The following APBA1 variants were observed in gnomAD, a reference collection of about 807,000 sequenced individuals.
The protein encoded by APBA1 is amyloid beta precursor protein binding family A member 1, also known as amyloid-beta A4 precursor protein-binding family A member 1.
In APBA1, 55 loss-of-function variants were observed where a neutral mutation model predicts 86.6. That is an observed-to-expected ratio of 0.64 (90% CI 0.51 to 0.80). The LOEUF is 0.80. APBA1 is among the 30% of genes least tolerant of loss of function. The pLI, the probability that APBA1 is intolerant of heterozygous loss-of-function variation, is 0.00. For missense variants in APBA1, 1,090 were observed against 1,183.0 expected (o/e 0.92, Z 1.15); for synonymous variants, 511 against 493.9 (o/e 1.03, Z -0.46).
At chr9:69,477,145 A>G (rs10124725) in intron 2 of APBA1, among the ~76,000 whole-genome samples, 3 of 152,260 alleles carry the variant, frequency 2.0e-5, no homozygotes, top group Admixed American at 6.5e-5. Flanking sequence ...GAACAGCTCC[A>G]GTCTACAGCT....
chr9:69,526,037 C>T (rs949220044), intron 1 of APBA1, among the ~76,000 whole-genome samples: 4 of 151,996 alleles, frequency 2.6e-5, no homozygotes, highest in Admixed American at 6.6e-5. Flanking sequence ...GAAACCAGAC[C>T]CCTATTTTCC....
rs1834511094 is a variant in APBA1 at position 69,427,720 on chromosome 9, G to A, written c.*3607C>T. On this transcript the variant is annotated 3_prime_UTR_variant, in exon 13 of 13. Coordinates refer to ENST00000265381, the MANE Select transcript of APBA1 (RefSeq NM_001163.4). ...ACTGTCAAGGAAGTACATTCAGTGG[G>A]TGTGCGGTGTCCACATTCCAGGCTC... The A allele has an allele frequency of 6.6e-6, 1 of 152,152 alleles. No homozygotes were observed. Among genetic ancestry groups the A allele is most frequent in the Non-Finnish European group, 1.5e-5 (1 of 68,028 alleles). The allele number at this position is 152,152 out of a possible 1,614,324, so 9.4% of individuals were successfully genotyped here.
Position 69,517,171 on chromosome 9 carries a change from C to G in APBA1, c.40G>C (p.Asp14His). ...TTCACCTCCCCACCTGCCGCCTCGTCGGTCACCTCCACCTCCGCAGACCCC... is the reference window on the plus strand; with the variant it reads ...TTCACCTCCCCACCTGCCGCCTCGTGGGTCACCTCCACCTCCGCAGACCCC... ...LEGSAEVEVT[D>H]EAAGGEVNES... The change falls in exon 2 of 13, where the codon GAC becomes CAC. Residue 14 changes from aspartate to histidine, a missense_variant. Asp to His is a moderately conservative substitution (Grantham distance 81). Around this residue, in one of 6 missense-constraint regions of APBA1, gnomAD observed 678 missense variants for 647.1 expected, o/e 1.05. Transcript: ENST00000265381. 6.4e-7 allele frequency: 1 copy of G among 1,553,544 alleles called. No individual in the cohort carries two copies. Among genetic ancestry groups the G allele is most frequent in the Non-Finnish European group, 8.7e-7 (1 of 1,150,442 alleles).
chr9:69,457,938 C>T (rs1034474275), intron 6 of APBA1, among the ~76,000 whole-genome samples: 1 of 152,182 alleles, frequency 6.6e-6, no homozygotes, highest in South Asian at 2.1e-4. Context: ...TGCTCCCTGT[C>T]GTTCCTCTGA....
At chr9:69,577,896 C>T (rs1821834082) in intron 1 of APBA1, among the ~76,000 whole-genome samples, 3 of 152,096 alleles carry the variant, frequency 2.0e-5, no homozygotes, top group South Asian at 4.2e-4. Context: ...GACTTCACCA[C>T]CACAATGCTC....
chr9:69,445,237 T>TC (rs1397547504), intron 10 of APBA1, among the ~76,000 whole-genome samples: 1 of 152,212 alleles, frequency 6.6e-6, no homozygotes, highest in East Asian at 1.9e-4. Context: ...GCCTGATCTG[T>TC]CCCTCAGTGA....
At chr9:69,476,972 C>G (rs182698286) in intron 2 of APBA1, among the ~76,000 whole-genome samples, 4 of 152,278 alleles carry the variant, frequency 2.6e-5, no homozygotes, top group South Asian at 2.1e-4. Context: ...CAAGCAAGCA[C>G]AGGGATGGGA....
rs748594161 is a variant in APBA1, at chr9:69,516,829, C to T, written c.382G>A (p.Glu128Lys). ...YAVQYRPEAE[E>K]YTEQAEAEHA... The stretch of plus-strand genomic sequence containing the variant: ...TCGGCCTCTGCCTGCTCCGTGTACT[C>T]CTCGGCCTCGGGCCGGTACTGCACA... Residue 128 changes from glutamate to lysine, a missense_variant, in exon 2 of 13, where the codon GAG becomes AAG. By Grantham distance (56) the Glu-to-Lys change is moderately conservative (BLOSUM62 1). Transcript: ENST00000265381. This position sits in a 1 kb window ranked among gnomAD's most constrained non-coding sequence, Gnocchi z 7.3. The T allele has an allele frequency of 2.5e-6, 4 of 1,605,386 alleles. No homozygotes were observed. Among genetic ancestry groups the T allele is most frequent in the Non-Finnish European group, 3.4e-6 (4 of 1,179,146 alleles).
chr9:69,568,591 T>C (rs1837067554), intron 1 of APBA1, among the ~76,000 whole-genome samples: 1 of 152,134 alleles, frequency 6.6e-6, no homozygotes, highest in Non-Finnish European at 1.5e-5. Context: ...CAACCAGCAA[T>C]GGAAGAGATC....
At chr9:69,607,071 GC>G (rs1362035635) in intron 1 of APBA1, among the ~76,000 whole-genome samples, 1 of 152,188 alleles carries the variant, frequency 6.6e-6, no homozygotes, top group Non-Finnish European at 1.5e-5. Flanking sequence ...GAGAAGTTCA[GC>G]CTTTAGTTTG....
At chr9:69,452,857 A>G (rs67511308) in intron 8 of APBA1, among the ~76,000 whole-genome samples, 12,342 of 152,316 alleles carry the variant, frequency 0.081, 618 homozygotes, top group Admixed American at 0.14. Flanking sequence ...CGCTGCTGTG[A>G]TATCTGTGTT....
chr9:69,658,583 T>TC lies in APBA1; in HGVS notation c.-70+13569dup, dbSNP rs1554709993. On this transcript the variant is annotated intron_variant, in intron 1 of 12. Coordinates refer to ENST00000265381, the MANE Select transcript of APBA1 (RefSeq NM_001163.4). ...ATGCCCAGCTAATTTTTTTTTTTTT[T>TC]CAGTTAAGACAGGGTTTCACCATGT... Among the ~76,000 whole-genome samples the TC allele has an allele frequency of 2.0e-5, 3 of 149,888 alleles. No homozygotes were observed. The East Asian group carries it at 5.9e-4, about 29-fold the overall frequency.
chr9:69,638,761 C>T (rs1484272851), intron 1 of APBA1, among the ~76,000 whole-genome samples: 1 of 152,130 alleles, frequency 6.6e-6, no homozygotes, highest in Non-Finnish European at 1.5e-5. Flanking sequence ...CAAGTATATG[C>T]AAAATCTTTT....
At chr9:69,501,246 C>G (rs1835875396) in intron 2 of APBA1, among the ~76,000 whole-genome samples, 1 of 152,078 alleles carries the variant, frequency 6.6e-6, no homozygotes, top group African/African-American at 2.4e-5. Flanking sequence ...AAGCAGTCAG[C>G]GAAGACTGTG....
At chr9:69,518,140 A>G (rs1449614992) in intron 1 of APBA1, among the ~76,000 whole-genome samples, 2 of 152,206 alleles carry the variant, frequency 1.3e-5, no homozygotes, top group Admixed American at 6.5e-5. Flanking sequence ...AATATCCAAC[A>G]CAATACAACA....
intron 5 of APBA1, among the ~76,000 whole-genome samples, chr9:69,467,062 C>G (rs933845925): frequency 6.6e-6 from 1 of 152,162 alleles, no homozygotes; most frequent in Non-Finnish European, 1.5e-5. Context: ...CATAAACACA[C>G]CTTAAGTGTT....
chr9:69,556,493 G>T (rs1836861994), intron 1 of APBA1, among the ~76,000 whole-genome samples: 1 of 152,138 alleles, frequency 6.6e-6, no homozygotes, highest in Non-Finnish European at 1.5e-5. Context: ...GAATTCTGAT[G>T]CCCAGGGCCA....
chr9:69,581,200 C>T (rs1219533837), intron 1 of APBA1, among the ~76,000 whole-genome samples: 1 of 152,142 alleles, frequency 6.6e-6, no homozygotes, highest in Non-Finnish European at 1.5e-5. Flanking sequence ...GCAAGGGTGT[C>T]AAAATGCATT....
rs956672091 is a variant in APBA1, at chr9:69,429,067, C to T, written c.*2260G>A. 6 of 152,206 alleles carry T rather than the reference C, an allele frequency of 3.9e-5. No homozygotes were observed. The highest frequency in any genetic ancestry group is 1.4e-4 in the African/African-American group (6 of 41,448). 9.4% of individuals were successfully genotyped at this position (152,206 alleles called of 1,614,324 possible). A position where few individuals can be genotyped will look rare whatever the true frequency, so the allele number is the denominator to read the frequency against. On this transcript the variant is annotated 3_prime_UTR_variant, in exon 13 of 13. Coordinates refer to ENST00000265381, the MANE Select transcript of APBA1 (RefSeq NM_001163.4). ...GTTATGTGCAGGTTGTACAGGGATG[C>T]ACTACTGGAGTTCTGTCCCCTGGCC... is the stretch of plus-strand genomic sequence containing the variant.
Sources: allele counts gnomAD v4.1 joint callset (sites outside exome capture counted in the v4.1 genomes callset), GRCh38; gene constraint gnomAD v4.1.1; regional missense constraint gnomAD v4.1.1; non-coding constraint Gnocchi (gnomAD v3.1); transcripts MANE v1.5; gene names NCBI Gene and HGNC (gene_info 2026-07-23, HGNC 2026-07-21).